The following KCTD1 variants were observed in gnomAD, a reference collection of about 807,000 sequenced individuals.
KCTD1 encodes the protein BTB/POZ domain-containing protein KCTD1.
In KCTD1, 24 loss-of-function variants were observed where a neutral mutation model predicts 66.0. The observed-to-expected ratio is 0.36, with a 90% confidence interval of 0.26 to 0.51. KCTD1 has a LOEUF of 0.51. Ranked by LOEUF, KCTD1 falls within the 20% of genes least tolerant of loss-of-function variation. KCTD1 has a pLI of 0.95. For synonymous variants in KCTD1, 511 were observed against 517.2 expected (o/e 0.99, Z 0.16); for missense variants, 943 against 1,205.2 (o/e 0.78, Z 3.22).
intron 1 of KCTD1, among the ~76,000 whole-genome samples, chr18:26,519,534 T>C (rs1476633902): frequency 6.6e-6 from 1 of 152,234 alleles, no homozygotes; most frequent in Non-Finnish European, 1.5e-5. Flanking sequence ...TTCTGGCCTG[T>C]TTATCACCAT....
At chr18:26,522,830 T>C (rs922189034) in intron 1 of KCTD1, among the ~76,000 whole-genome samples, 1 of 152,156 alleles carries the variant, frequency 6.6e-6, no homozygotes, top group African/African-American at 2.4e-5. Context: ...GGAATAAATA[T>C]CATTTTCTGA....
intron 1 of KCTD1, among the ~76,000 whole-genome samples, chr18:26,524,664 A>G (rs1984072621): frequency 6.6e-6 from 1 of 152,208 alleles, no homozygotes; most frequent in Admixed American, 6.5e-5. Flanking sequence ...TGGTATGTAC[A>G]TATATGTTTG....
chr18:26,484,881 A>G (rs1441828513), intron 2 of KCTD1, among the ~76,000 whole-genome samples: 1 of 152,174 alleles, frequency 6.6e-6, no homozygotes, highest in East Asian at 1.9e-4. Flanking sequence ...AGCTCAGCTG[A>G]AGGGAGGCCA....
At chr18:26,634,531 G>C (rs1987682778) in intron 1 of KCTD1, among the ~76,000 whole-genome samples, 1 of 152,118 alleles carries the variant, frequency 6.6e-6, no homozygotes, top group African/African-American at 2.4e-5. Flanking sequence ...AAAAGAGTAA[G>C]AAAGGGGCAT....
intron 4 of KCTD1, 23 bp downstream of exon 4, chr18:26,459,571 AACAGTAAGAGTGGCATTTGATGCCAC>A: frequency 6.6e-7 from 1 of 1,515,268 alleles, no homozygotes; most frequent in Middle Eastern, 1.8e-4. Flanking sequence ...GTTAAGTGAC[AACAGTAAGAGTGGCATTTGATGCCAC>A]ACAGTGCGTA....
chr18:26,511,334 G>C (rs1035847599), intron 1 of KCTD1, among the ~76,000 whole-genome samples: 4 of 152,220 alleles, frequency 2.6e-5, no homozygotes, highest in Admixed American at 2.0e-4. Context: ...GATCCTGAAA[G>C]ACAGGGGCAG....
At position 26,547,086 on chromosome 18, in the gene KCTD1, A is replaced by C; in HGVS notation, c.1451T>G (p.Leu484Arg). 1 of 1,543,754 alleles carries C rather than the reference A, an allele frequency of 6.5e-7. No individual in the cohort carries two copies. ...PAPQGCYAEA[L>R]NGAARHHSHH... ...GGAGTGGTGCCGTGCCGCCCCGTTCAGAGCCTCGGCGTAGCAGCCCTGCGG... is the reference window on the plus strand; with the variant it reads ...GGAGTGGTGCCGTGCCGCCCCGTTCCGAGCCTCGGCGTAGCAGCCCTGCGG... Residue 484 changes from leucine to arginine, a missense_variant, in exon 1 of 5, where the codon CTG becomes CGG. Leu to Arg is a moderately radical substitution (Grantham distance 102, BLOSUM62 -2). This residue lies in a region of KCTD1 where 197 missense variants were observed against 182.7 expected (regional missense o/e 1.08). Transcript: ENST00000580059.
At chr18:26,636,264 G>T (rs137859830) in intron 1 of KCTD1, among the ~76,000 whole-genome samples, 151 of 152,278 alleles carry the variant, frequency 9.9e-4, no homozygotes, top group African/African-American at 3.3e-3. Flanking sequence ...TGGCGGTCTG[G>T]TTGCTGGTTT....
chr18:26,620,699 G>A (rs1598970448), intron 1 of KCTD1, among the ~76,000 whole-genome samples: 2 of 152,214 alleles, frequency 1.3e-5, no homozygotes, highest in East Asian at 1.9e-4. Flanking sequence ...GCCTCCCAAA[G>A]TGCTGGGATT....
At chr18:26,581,276 C>T (rs540945842) in intron 1 of KCTD1, 1 of 152,234 alleles carries the variant, frequency 6.6e-6, no homozygotes, top group South Asian at 2.1e-4. Context: ...GAGATGGGGT[C>T]TCATTCTGTT....
intron 1 of KCTD1, among the ~76,000 whole-genome samples, chr18:26,537,938 C>A (rs2144800112): frequency 6.6e-6 from 1 of 152,322 alleles, no homozygotes; most frequent in East Asian, 1.9e-4. Flanking sequence ...AATCCTAGTG[C>A]TAATTTTTTA....
upstream of KCTD1, among the ~76,000 whole-genome samples, chr18:26,642,666 C>T (rs1987854131): frequency 6.6e-5 from 10 of 152,180 alleles, no homozygotes; most frequent in Admixed American, 6.5e-4. Context: ...GATTCAGTGA[C>T]AGGCAGAGAT....
Position 26,532,261 on chromosome 18 carries a change from C to CTTTTTTT in KCTD1, c.1809+14460_1809+14466dup, listed in dbSNP as rs533359603. 1.6e-3 allele frequency among the ~76,000 whole-genome samples: 47 copies of CTTTTTTT among 29,562 alleles called. 1 individual carries two copies. The highest frequency in any genetic ancestry group is 2.2e-3 in the African/African-American group (34 of 15,392). 19.4% of individuals were successfully genotyped at this position (29,562 alleles called of 152,430 possible). A position where few individuals can be genotyped will look rare whatever the true frequency, so the allele number is the denominator to read the frequency against. The stretch of plus-strand genomic sequence containing the variant: ...CTTTTTCTTTTTCTTTTCTTTCCTT[C>CTTTTTTT]TTTTTTTTTTTTTTTTTTTTTTTTT... On this transcript the variant is annotated intron_variant, in intron 1 of 4. Coordinates refer to ENST00000580059, the MANE Select transcript of KCTD1 (RefSeq NM_001142730.3).
Position 26,656,368 on chromosome 18 carries a change from G to T in KCTD1, c.9+992C>A, listed in dbSNP as rs187409081. 1.4e-4 allele frequency among the ~76,000 whole-genome samples: 21 copies of T among 152,338 alleles called. No individual in the cohort carries two copies. In the East Asian group the frequency reaches 4.1e-3, roughly 30 times the overall value. On this transcript the variant is annotated intron_variant, in intron 1 of 4. Transcript: ENST00000580191. ...AGGAGACTTCTAATCCGGAGCATGT[G>T]CTGTGCCCTTTATCCGGGGAGGAGG...
intron 1 of KCTD1, among the ~76,000 whole-genome samples, chr18:26,532,488 T>C (rs1315176520): frequency 1.3e-5 from 2 of 152,072 alleles, no homozygotes; most frequent in African/African-American, 4.8e-5. Context: ...GGTCTCAAAC[T>C]CGTGGCCTCA....
At chr18:26,519,852 C>T (rs1179876176) in intron 1 of KCTD1, among the ~76,000 whole-genome samples, 1 of 152,180 alleles carries the variant, frequency 6.6e-6, no homozygotes, top group African/African-American at 2.4e-5. Flanking sequence ...TGTGGCTGCT[C>T]TAGGTAAAAG....
intron 1 of KCTD1, among the ~76,000 whole-genome samples, chr18:26,525,540 C>G (rs1412576413): frequency 6.6e-6 from 1 of 152,200 alleles, no homozygotes; most frequent in Non-Finnish European, 1.5e-5. Flanking sequence ...TTTGCGTGAG[C>G]TGATCCCTCT....
intron 2 of KCTD1, among the ~76,000 whole-genome samples, chr18:26,486,581 T>C (rs1403952208): frequency 6.6e-6 from 1 of 152,250 alleles, no homozygotes; most frequent in African/African-American, 2.4e-5. Context: ...CCTTCCTGTG[T>C]GAAGAAACAT....
chr18:26,565,516 T>C (rs1985962322), intron 1 of KCTD1, among the ~76,000 whole-genome samples: 2 of 152,238 alleles, frequency 1.3e-5, no homozygotes, highest in Admixed American at 1.3e-4. Context: ...TGAAAAGTTT[T>C]TCCTTTTCAC....
Sources: gnomAD v4.1 joint callset for allele counts (sites outside exome capture counted in the v4.1 genomes callset) on GRCh38, gnomAD v4.1.1 for gene constraint, gnomAD v4.1.1 regional missense constraint, MANE v1.5 for transcripts, NCBI Gene and HGNC (gene_info 2026-07-23, HGNC 2026-07-21) for gene names.